FRMD4B: variants seen among roughly 807,000 people sequenced by gnomAD.
FRMD4B encodes FERM domain containing 4B.
FRMD4B carries 74 observed loss-of-function variants against 141.5 expected under a neutral mutation model. That is an observed-to-expected ratio of 0.52 (90% CI 0.43 to 0.63). The LOEUF is 0.63. Ranked by LOEUF, FRMD4B falls within the 30% of genes least tolerant of loss-of-function variation. The pLI is 0.00. For missense variants in FRMD4B, 1,366 were observed against 1,253.4 expected (o/e 1.09, Z -1.36); for synonymous variants, 506 against 467.9 (o/e 1.08, Z -1.05).
chr3:69,245,008 C>A (rs973603362), intron 7 of FRMD4B, among the ~76,000 whole-genome samples: 11 of 151,992 alleles, frequency 7.2e-5, no homozygotes, highest in Non-Finnish European at 1.5e-4. Context: ...ATATTTGTAA[C>A]AATAGGGGAG....
chr3:69,524,328 T>A (rs1366731371), intron 1 of FRMD4B, among the ~76,000 whole-genome samples: 1 of 152,206 alleles, frequency 6.6e-6, no homozygotes, highest in East Asian at 1.9e-4. Context: ...AGGTTTAGAT[T>A]TGTTTCTTAC....
At chr3:69,325,075 TAAAA>T (rs112470737) in intron 1 of FRMD4B, among the ~76,000 whole-genome samples, 4 of 119,848 alleles carry the variant, frequency 3.3e-5, no homozygotes, top group Admixed American at 2.1e-4. Flanking sequence ...AGATACTGTC[TAAAA>T]AAAAAAAAAG....
intron 1 of FRMD4B, among the ~76,000 whole-genome samples, chr3:69,474,544 C>G (rs1317828354): frequency 6.6e-6 from 1 of 152,166 alleles, no homozygotes; most frequent in African/African-American, 2.4e-5. Context: ...CCTGGTAGTT[C>G]ATCTATGAGC....
At chr3:69,294,162 G>A (rs185915487) in intron 4 of FRMD4B, among the ~76,000 whole-genome samples, 4 of 152,234 alleles carry the variant, frequency 2.6e-5, no homozygotes, top group African/African-American at 7.2e-5. Flanking sequence ...TGTGACTGGC[G>A]TCCAGTGAGG....
At chr3:69,537,737 T>C (rs1173107166) in intron 1 of FRMD4B, among the ~76,000 whole-genome samples, 1 of 152,234 alleles carries the variant, frequency 6.6e-6, no homozygotes, top group Non-Finnish European at 1.5e-5. Context: ...AAAAATCATA[T>C]TGATAATCTA....
At chr3:69,174,073 G>C (rs1307269483) in intron 22 of FRMD4B, among the ~76,000 whole-genome samples, 1 of 151,942 alleles carries the variant, frequency 6.6e-6, no homozygotes, top group African/African-American at 2.4e-5. Context: ...GGTGGCAGAG[G>C]TTGCAGTGAG....
chr3:69,214,888 T>C (rs200053566), intron 11 of FRMD4B, among the ~76,000 whole-genome samples: 106,619 of 151,578 alleles, frequency 0.7, 38,854 homozygotes, highest in Non-Finnish European at 0.79. Flanking sequence ...AATGAATTTT[T>C]TTTTTTTTTG....
chr3:69,228,815 CAG>C (rs1169643032), intron 7 of FRMD4B, among the ~76,000 whole-genome samples: 1 of 145,130 alleles, frequency 6.9e-6, no homozygotes, highest in Non-Finnish European at 1.5e-5. Context: ...GCCTGGGCAA[CAG>C]AGTGAGATTC....
Position 69,181,381 on chromosome 3 carries a change from T to C in FRMD4B, c.2369A>G (p.Asn790Ser). 2 of 1,613,906 alleles carry C rather than the reference T, an allele frequency of 1.2e-6. No individual in the cohort carries two copies. The highest frequency in any genetic ancestry group is 1.7e-5 in the Admixed American group (1 of 60,020). Residue 790 changes from asparagine (N) to serine (S), a missense_variant, in exon 21 of 23, where the codon AAT becomes AGT. Coordinates refer to ENST00000398540, the MANE Select transcript of FRMD4B (RefSeq NM_015123.3). ...CTCCTGACTCTTTGAGTAAACACCATTCCTCAAACTATCCTTTTGTGCTAG... is the reference window on the plus strand; with the variant it reads ...CTCCTGACTCTTTGAGTAAACACCACTCCTCAAACTATCCTTTTGTGCTAG... Reference protein sequence around the residue: ...PNLAQKDSLRNGVYSKSQEPP... With the variant: ...PNLAQKDSLRSGVYSKSQEPP...
intron 4 of FRMD4B, among the ~76,000 whole-genome samples, chr3:69,299,675 C>T (rs1029690067): frequency 6.6e-6 from 1 of 152,220 alleles, no homozygotes; most frequent in Non-Finnish European, 1.5e-5. Context: ...ATAAAAGTGC[C>T]ACCATAACCT....
chr3:69,265,537 C>A (rs1345464153), intron 5 of FRMD4B, among the ~76,000 whole-genome samples: 2 of 145,856 alleles, frequency 1.4e-5, no homozygotes, highest in Non-Finnish European at 3.0e-5. Context: ...CAAGCTCCGC[C>A]GCCCGGTTCA....
chr3:69,169,353 C>CTTCCTTTTTTTTTTTTTTTTTTTTTTT lies in FRMD4B; in HGVS notation c.*2507_*2508insAAAAAAAAAAAAAAAAAAAAAAAGGAA, dbSNP rs1553691418. Among the ~76,000 whole-genome samples, 4 of 29,286 alleles carry CTTCCTTTTTTTTTTTTTTTTTTTTTTT rather than the reference C, an allele frequency of 1.4e-4. 2 individuals are homozygous for CTTCCTTTTTTTTTTTTTTTTTTTTTTT. The highest frequency in any genetic ancestry group is 3.6e-4 in the Non-Finnish European group (2 of 5,488). The allele number at this position is 29,286 out of a possible 152,430, so 19.2% of individuals were successfully genotyped here. A position where few individuals can be genotyped will look rare whatever the true frequency, so the allele number is the denominator to read the frequency against. On this transcript the variant is annotated 3_prime_UTR_variant, in exon 23 of 23. Coordinates refer to ENST00000398540, the MANE Select transcript of FRMD4B (RefSeq NM_015123.3). ...AGGATTGCTGAACTTCCATTTCTTT[C>CTTCCTTTTTTTTTTTTTTTTTTTTTTT]TTTTTTTTTTTTTTTTTTTTTTCTT... is the stretch of plus-strand genomic sequence containing the variant.
intron 1 of FRMD4B, among the ~76,000 whole-genome samples, chr3:69,434,655 C>T (rs1322008889): frequency 1.3e-5 from 2 of 152,206 alleles, no homozygotes; most frequent in African/African-American, 2.4e-5. Context: ...TTAAGATCTA[C>T]GAACACACCA....
intron 1 of FRMD4B, among the ~76,000 whole-genome samples, chr3:69,379,635 T>C (rs1048091622): frequency 6.6e-6 from 1 of 152,218 alleles, no homozygotes; most frequent in Admixed American, 6.5e-5. Context: ...TGTTTTTCTG[T>C]GATAGAATTA....
intron 4 of FRMD4B, among the ~76,000 whole-genome samples, chr3:69,290,945 G>A (rs1700853528): frequency 6.6e-6 from 1 of 152,176 alleles, no homozygotes; most frequent in African/African-American, 2.4e-5. Flanking sequence ...GTAATTGTGG[G>A]CGTCTCAACC....
rs1451171007 is a variant in FRMD4B, at chr3:69,385,829, T to A, written c.161A>T (p.Gln54Leu). The A allele has an allele frequency of 6.4e-7, 1 of 1,566,634 alleles. No individual in the cohort carries two copies. The highest frequency in any genetic ancestry group is 1.8e-5 in the Admixed American group (1 of 55,094). Residue 54 changes from glutamine (Q) to leucine (L), a missense_variant and splice_region_variant, in exon 1 of 23, where the codon CAG becomes CTG. Transcript: ENST00000398540. Reference sequence around the variant, plus strand: ...CGGGTGCCGCGCGCTCCAGCTCACCTGGTACACGTCCTGCAGCCCGCACCA... The same window carrying A: ...CGGGTGCCGCGCGCTCCAGCTCACCAGGTACACGTCCTGCAGCCCGCACCA... ...RTWCGLQDVY[Q>L]MTEGRHCQVH...
At chr3:69,382,027 C>T (rs1025116661) in intron 1 of FRMD4B, among the ~76,000 whole-genome samples, 2 of 152,066 alleles carry the variant, frequency 1.3e-5, no homozygotes, top group African/African-American at 4.8e-5. Context: ...TGTCACCCCT[C>T]CTATTTTATT....
chr3:69,500,761 G>A (rs1706481438), intron 1 of FRMD4B, among the ~76,000 whole-genome samples: 1 of 151,856 alleles, frequency 6.6e-6, no homozygotes, highest in African/African-American at 2.4e-5. Flanking sequence ...CCCAGAAGTG[G>A]GAGAGAGAAA....
intron 1 of FRMD4B, among the ~76,000 whole-genome samples, chr3:69,541,906 G>T (rs1036115957): frequency 6.6e-6 from 1 of 151,850 alleles, no homozygotes; most frequent in African/African-American, 2.4e-5. Flanking sequence ...GGTCCCCGGC[G>T]GCGCGTTTGC....
Sources: gnomAD v4.1 joint callset for allele counts (sites outside exome capture counted in the v4.1 genomes callset) on GRCh38, gnomAD v4.1.1 for gene constraint, MANE v1.5 for transcripts, NCBI Gene and HGNC (gene_info 2026-07-23, HGNC 2026-07-21) for gene names.